NLGN1: variants seen among roughly 807,000 people sequenced by gnomAD.
The protein encoded by NLGN1 is neuroligin 1, also known as neuroligin-1.
In NLGN1, 12 loss-of-function variants were observed where a neutral mutation model predicts 65.5. That is an observed-to-expected ratio of 0.18 (90% confidence interval 0.12 to 0.30). NLGN1 has a LOEUF of 0.30. NLGN1 is among the 10% of genes least tolerant of loss of function. The probability of loss-of-function intolerance (pLI) is 1.00; values close to 1 mark genes in which losing one functional copy is unlikely to be tolerated. For synonymous variants in NLGN1, 350 were observed against 359.5 expected (o/e 0.97, Z 0.30); for missense variants, 750 against 1,007.1 (o/e 0.74, Z 3.46).
chr3:174,096,367 G>A (rs1745534931), intron 4 of NLGN1, among the ~76,000 whole-genome samples: 1 of 151,886 alleles, frequency 6.6e-6, no homozygotes, highest in South Asian at 2.1e-4. Context: ...GGTTGATTTA[G>A]TTAAGTACAA....
chr3:174,074,280 T>G (rs1685110107), intron 4 of NLGN1, among the ~76,000 whole-genome samples: 2 of 152,222 alleles, frequency 1.3e-5, no homozygotes, highest in African/African-American at 2.4e-5. Context: ...ATCACAATTA[T>G]TGCCCATTTC....
intron 1 of NLGN1, among the ~76,000 whole-genome samples, chr3:173,410,314 C>T (rs1712255892): frequency 6.6e-6 from 1 of 152,184 alleles, no homozygotes; most frequent in South Asian, 2.1e-4. Flanking sequence ...ACCCTCCATA[C>T]ATAAACACGG....
intron 4 of NLGN1, among the ~76,000 whole-genome samples, chr3:174,012,120 T>A (rs572457488): frequency 9.7e-4 from 147 of 152,234 alleles, no homozygotes; most frequent in Non-Finnish European, 1.9e-3. Context: ...CAGGCCACCA[T>A]GACAATGAGT....
intron 3 of NLGN1, among the ~76,000 whole-genome samples, chr3:173,621,972 A>G (rs1238370243): frequency 6.6e-6 from 1 of 152,100 alleles, no homozygotes; most frequent in Non-Finnish European, 1.5e-5. Context: ...ATAAAATATT[A>G]ACCTCATCAA....
chr3:173,614,084 T>G (rs966461996), intron 3 of NLGN1, among the ~76,000 whole-genome samples: 2 of 151,152 alleles, frequency 1.3e-5, no homozygotes, highest in African/African-American at 4.9e-5. Context: ...TATAAAAACA[T>G]CTGCCTTTTC....
At chr3:173,831,663 AGAT>A (rs1722593333) in intron 4 of NLGN1, among the ~76,000 whole-genome samples, 1 of 152,224 alleles carries the variant, frequency 6.6e-6, no homozygotes, top group African/African-American at 2.4e-5. Context: ...GAAAACAGGA[AGAT>A]GTTTTTTTCA....
intron 4 of NLGN1, among the ~76,000 whole-genome samples, chr3:174,261,926 C>T: frequency 6.8e-6 from 1 of 146,518 alleles, no homozygotes. Context: ...GCTTTTTCTG[C>T]ATCTATTGAG....
intron 1 of NLGN1, among the ~76,000 whole-genome samples, chr3:173,427,291 C>A (rs484852): frequency 0.16 from 24,181 of 151,614 alleles, 2,185 homozygotes; most frequent in Middle Eastern, 0.26. Context: ...TTTCTATTTT[C>A]TTTTTCATCT....
chr3:173,808,219 A>T (rs956104547), intron 4 of NLGN1, among the ~76,000 whole-genome samples: 1 of 152,126 alleles, frequency 6.6e-6, no homozygotes, highest in African/African-American at 2.4e-5. Context: ...TGGAGTATGT[A>T]TATGGACTCG....
intron 4 of NLGN1, among the ~76,000 whole-genome samples, chr3:174,124,568 C>G (rs1013539586): frequency 1.6e-5 from 2 of 128,614 alleles, no homozygotes; most frequent in Non-Finnish European, 3.2e-5. Flanking sequence ...CGTATATATA[C>G]GTATACACAT....
chr3:174,046,705 C>A (rs1430275545), intron 4 of NLGN1, among the ~76,000 whole-genome samples: 1 of 152,018 alleles, frequency 6.6e-6, no homozygotes, highest in Non-Finnish European at 1.5e-5. Flanking sequence ...ATGGGGCTTC[C>A]TAAACCATGC....
At chr3:173,560,509 G>A (rs1043113671) in intron 2 of NLGN1, among the ~76,000 whole-genome samples, 1 of 138,806 alleles carries the variant, frequency 7.2e-6, no homozygotes. Flanking sequence ...TAGATTTAAA[G>A]CAATCAACAG....
intron 3 of NLGN1, among the ~76,000 whole-genome samples, chr3:173,776,953 G>C (rs1291240604): frequency 6.6e-6 from 1 of 151,860 alleles, no homozygotes; most frequent in Non-Finnish European, 1.5e-5. Flanking sequence ...ACAAGACAAC[G>C]ATCAGACTGT....
chr3:174,005,582 C>CT (rs1364962542), intron 4 of NLGN1, among the ~76,000 whole-genome samples: 2 of 152,162 alleles, frequency 1.3e-5, no homozygotes, highest in Admixed American at 1.3e-4. Flanking sequence ...AGCATAAGCC[C>CT]TCTGCTGCAT....
chr3:173,734,586 A>G (rs1482590455), intron 3 of NLGN1, among the ~76,000 whole-genome samples: 1 of 150,784 alleles, frequency 6.6e-6, no homozygotes, highest in Non-Finnish European at 1.5e-5. Context: ...TATTTTTTGT[A>G]GAGATGAGGT....
At chr3:173,864,627 C>G (rs536193246) in intron 4 of NLGN1, among the ~76,000 whole-genome samples, 1 of 152,148 alleles carries the variant, frequency 6.6e-6, no homozygotes, top group East Asian at 1.9e-4. Context: ...ATGATTTTAC[C>G]ATTAATTTTG....
intron 2 of NLGN1, among the ~76,000 whole-genome samples, chr3:173,592,340 GAA>G (rs1748660662): frequency 6.6e-6 from 1 of 152,146 alleles, no homozygotes; most frequent in Admixed American, 6.5e-5. Context: ...GGTTATAGCA[GAA>G]ATACTCAGTT....
intron 4 of NLGN1, among the ~76,000 whole-genome samples, chr3:173,843,362 A>C (rs1725156406): frequency 6.6e-6 from 1 of 152,220 alleles, no homozygotes; most frequent in African/African-American, 2.4e-5. Context: ...TACTTATGCA[A>C]ATTTCTGCAG....
intron 2 of NLGN1, among the ~76,000 whole-genome samples, chr3:173,595,232 T>G (rs1749250730): frequency 6.6e-6 from 1 of 152,158 alleles, no homozygotes; most frequent in South Asian, 2.1e-4. Flanking sequence ...CGGAATGCCT[T>G]TAACAGCTCC....
Sources: allele counts gnomAD v4.1 joint callset (sites outside exome capture counted in the v4.1 genomes callset), GRCh38; gene constraint gnomAD v4.1.1; transcripts MANE v1.5; gene names NCBI Gene and HGNC (gene_info 2026-07-23, HGNC 2026-07-21).